Variants in MGMT observed in about 807,000 individuals in gnomAD.
MGMT encodes the protein methylated-DNA--protein-cysteine methyltransferase.
In MGMT, 14 loss-of-function variants were observed where a neutral mutation model predicts 15.9. That is an observed-to-expected ratio of 0.88 (90% CI 0.58 to 1.37). The LOEUF (loss-of-function observed/expected upper bound fraction) is 1.37, where lower values mean the gene tolerates loss of function less well. Among genes scored for constraint, MGMT ranks in the 40% most tolerant of loss-of-function variants. The probability of loss-of-function intolerance (pLI) is 0.00; values close to 1 mark genes in which losing one functional copy is unlikely to be tolerated. For synonymous variants in MGMT, 130 were observed against 118.2 expected (o/e 1.10, Z -0.65); for missense variants, 282 against 268.1 (o/e 1.05, Z -0.36).
intron 2 of MGMT, among the ~76,000 whole-genome samples, chr10:129,646,754 A>ATATATATTTTTTTTGTT: frequency 1.2e-5 from 1 of 86,674 alleles, no homozygotes; most frequent in African/African-American, 3.9e-5. Context: ...ATATATATAT[A>ATATATATTTTTTTTGTT]TTTTCAGGGA....
chr10:129,468,993 G>A (rs890304538), intron 1 of MGMT, among the ~76,000 whole-genome samples: 1 of 152,184 alleles, frequency 6.6e-6, no homozygotes, highest in African/African-American at 2.4e-5. Flanking sequence ...AGAGCCCTAG[G>A]TATACATTGG....
At chr10:129,490,900 C>CTATA (rs1344177865) in intron 1 of MGMT, among the ~76,000 whole-genome samples, 1 of 152,164 alleles carries the variant, frequency 6.6e-6, no homozygotes. Flanking sequence ...CCTGGACTTA[C>CTATA]TATAGTTCAC....
At chr10:129,718,487 A>G (rs188130834) in intron 3 of MGMT, among the ~76,000 whole-genome samples, 64 of 146,928 alleles carry the variant, frequency 4.4e-4, no homozygotes, top group African/African-American at 1.6e-3. Context: ...GCAATTCTTC[A>G]CTCCAGGCTT....
chr10:129,560,681 A>G (rs1009900287), intron 2 of MGMT, among the ~76,000 whole-genome samples: 3 of 152,222 alleles, frequency 2.0e-5, no homozygotes, highest in Non-Finnish European at 4.4e-5. Flanking sequence ...TTAAAGTTCA[A>G]TACAAATATA....
At chr10:129,589,355 G>T (rs747272185) in intron 2 of MGMT, among the ~76,000 whole-genome samples, 1 of 152,200 alleles carries the variant, frequency 6.6e-6, no homozygotes. Context: ...CCTGGCACAC[G>T]CCCTGCCAGG....
chr10:129,720,350 G>T (rs1267262126), intron 3 of MGMT, among the ~76,000 whole-genome samples: 1 of 152,212 alleles, frequency 6.6e-6, no homozygotes, highest in Admixed American at 6.5e-5. Context: ...CATGATTGGA[G>T]TGGGGTCACT....
At chr10:129,511,878 C>G (rs187896282) in intron 1 of MGMT, among the ~76,000 whole-genome samples, 2 of 152,328 alleles carry the variant, frequency 1.3e-5, no homozygotes, top group Non-Finnish European at 2.9e-5. Context: ...CACAAGCTCC[C>G]AGCACTGGCC....
At chr10:129,621,637 G>A (rs558233330) in intron 2 of MGMT, among the ~76,000 whole-genome samples, 27 of 152,290 alleles carry the variant, frequency 1.8e-4, no homozygotes, top group Non-Finnish European at 2.9e-4. Flanking sequence ...AGGAAGGAGC[G>A]GAGGTGTTAA....
chr10:129,473,850 C>T (rs1428146841), intron 1 of MGMT, among the ~76,000 whole-genome samples: 4 of 152,142 alleles, frequency 2.6e-5, no homozygotes, highest in East Asian at 1.9e-4. Flanking sequence ...GTGCCTACCC[C>T]GCACCCCACT....
intron 2 of MGMT, among the ~76,000 whole-genome samples, chr10:129,569,836 G>A (rs1396681792): frequency 6.6e-6 from 1 of 152,168 alleles, no homozygotes; most frequent in African/African-American, 2.4e-5. Context: ...ATAGGTATTG[G>A]GATGATGGGG....
rs2308320 is a variant in MGMT at position 129,766,871 on chromosome 10, A to T, written c.498A>T (p.Glu166Asp). Residue 166 changes from glutamate (E) to aspartate (D), a missense_variant, in exon 5 of 5, where the codon GAA (glutamate) becomes GAT (aspartate). Coordinates refer to ENST00000651593, the MANE Select transcript of MGMT (RefSeq NM_002412.5). ...GNYSGGLAVK[E>D]WLLAHEGHRL... ...ACTCCGGAGGACTGGCCGTGAAGGA[A>T]TGGCTTCTGGCCCATGAAGGCCACC... 258 of 1,613,598 alleles carry T rather than the reference A, an allele frequency of 1.6e-4. No individual in the cohort carries two copies. Among genetic ancestry groups the T allele is most frequent in the South Asian group, 5.2e-4 (47 of 91,084 alleles).
chr10:129,608,046 C>G (rs1280147348), intron 2 of MGMT, among the ~76,000 whole-genome samples: 1 of 151,846 alleles, frequency 6.6e-6, no homozygotes, highest in Non-Finnish European at 1.5e-5. Context: ...CCTCATAAAA[C>G]AAAAGGGAAA....
chr10:129,546,454 C>T (rs1195955823), intron 2 of MGMT, among the ~76,000 whole-genome samples: 5 of 152,176 alleles, frequency 3.3e-5, no homozygotes, highest in South Asian at 2.1e-4. Flanking sequence ...TAAGAGGCTG[C>T]GAGCCCCCTC....
chr10:129,540,862 G>A (rs1161082209), intron 2 of MGMT, among the ~76,000 whole-genome samples: 2 of 152,234 alleles, frequency 1.3e-5, no homozygotes, highest in Non-Finnish European at 2.9e-5. Context: ...ATTGGGTGCT[G>A]CCTTCCCTCA....
chr10:129,518,336 A>G (rs1845762627), intron 1 of MGMT, among the ~76,000 whole-genome samples: 2 of 93,654 alleles, frequency 2.1e-5, no homozygotes, highest in East Asian at 6.2e-4. Context: ...ATACACACAC[A>G]TACACACACA....
chr10:129,510,110 G>A (rs1227438576), intron 1 of MGMT, among the ~76,000 whole-genome samples: 3 of 152,194 alleles, frequency 2.0e-5, no homozygotes, highest in Non-Finnish European at 4.4e-5. Flanking sequence ...CTCCTCGGGA[G>A]AACACCAGTA....
At chr10:129,765,719 G>A (rs2133190213) in intron 4 of MGMT, among the ~76,000 whole-genome samples, 1 of 152,236 alleles carries the variant, frequency 6.6e-6, no homozygotes, top group South Asian at 2.1e-4. Flanking sequence ...CGAACCCTGG[G>A]GCAGGCAGGT....
At chr10:129,753,029 A>G (rs1848766290) in intron 3 of MGMT, among the ~76,000 whole-genome samples, 1 of 152,054 alleles carries the variant, frequency 6.6e-6, no homozygotes, top group African/African-American at 2.4e-5. Flanking sequence ...ATTACCTTAG[A>G]TTTTCCTTTT....
chr10:129,629,950 A>G (rs1434590488), intron 2 of MGMT, among the ~76,000 whole-genome samples: 2 of 152,368 alleles, frequency 1.3e-5, no homozygotes, highest in East Asian at 3.9e-4. Context: ...CTTTTCACAG[A>G]GAAGGTAAAT....
Sources: allele counts gnomAD v4.1 joint callset (sites outside exome capture counted in the v4.1 genomes callset), GRCh38; gene constraint gnomAD v4.1.1; transcripts MANE v1.5; gene names NCBI Gene and HGNC (gene_info 2026-07-23, HGNC 2026-07-21).